Variants in PLEKHM1 observed in about 807,000 individuals in gnomAD.
PLEKHM1 encodes the protein pleckstrin homology domain-containing family M member 1.
In PLEKHM1, 28 loss-of-function variants were observed where a neutral mutation model predicts 94.3. That is an observed-to-expected ratio of 0.30 (90% confidence interval 0.22 to 0.41). PLEKHM1 has a LOEUF of 0.41. Ranked by LOEUF, PLEKHM1 falls within the 10% of genes least tolerant of loss-of-function variation. The pLI, the probability that PLEKHM1 is intolerant of heterozygous loss-of-function variation, is 1.00. For missense variants in PLEKHM1, 907 were observed against 1,358.6 expected (o/e 0.67, Z 5.22); for synonymous variants, 424 against 581.2 (o/e 0.73, Z 3.89).
At position 45,445,496 on chromosome 17, in the gene PLEKHM1, A is replaced by C. The variant is rs757440256; in HGVS notation, c.2811T>G (p.Ser937Arg). The change falls in exon 9 of 12, where the codon AGT becomes AGG. Residue 937 changes from serine (S) to arginine (R), a missense_variant. By Grantham distance (110) the Ser-to-Arg change is moderately radical. Transcript: ENST00000430334. The surrounding 1 kb of genome is among the most constrained non-coding windows in gnomAD (Gnocchi z 4.2). Reference protein sequence around the residue: ...LLGDYLGLCRSGALKELSKRL... With the variant: ...LLGDYLGLCRRGALKELSKRL... Reference sequence around the variant, plus strand: ...TCTTGCTGAGCTCCTTCAGGGCGCCACTCCGGCACAGGCCCAGGTAATCCC... The same window carrying C: ...TCTTGCTGAGCTCCTTCAGGGCGCCCCTCCGGCACAGGCCCAGGTAATCCC... 1 of 1,613,784 alleles carries C rather than the reference A, an allele frequency of 6.2e-7. No homozygotes were observed. The highest frequency in any genetic ancestry group is 8.5e-7 in the Non-Finnish European group (1 of 1,179,852).
intron 2 of PLEKHM1, among the ~76,000 whole-genome samples, chr17:45,480,280 C>T (rs528115968): frequency 2.0e-4 from 31 of 152,194 alleles, no homozygotes; most frequent in Non-Finnish European, 3.8e-4. Flanking sequence ...GTCAGGAGTT[C>T]GAGACCAGCC....
At chr17:45,461,699 C>T (rs2051156785) in intron 5 of PLEKHM1, among the ~76,000 whole-genome samples, 1 of 152,140 alleles carries the variant, frequency 6.6e-6, no homozygotes, top group Non-Finnish European at 1.5e-5. Context: ...TCATTGGCCG[C>T]CTCTGTCTCT....
intron 5 of PLEKHM1, among the ~76,000 whole-genome samples, chr17:45,464,643 G>C (rs908386271): frequency 2.6e-5 from 4 of 151,936 alleles, no homozygotes; most frequent in Non-Finnish European, 5.9e-5. Context: ...CACAGGACGG[G>C]GGCAGGATCC....
intron 5 of PLEKHM1, among the ~76,000 whole-genome samples, chr17:45,460,617 C>T (rs1393825770): frequency 2.6e-5 from 4 of 152,244 alleles, no homozygotes; most frequent in African/African-American, 9.6e-5. Context: ...AGTACAGTGG[C>T]GCAATCAGGG....
chr17:45,437,951 G>A lies in PLEKHM1; in HGVS notation c.3078C>T (p.Thr1026=), dbSNP rs768084363. ...CAGCCTGGCAGCTCTGGTGGAAGAC[G>A]GTCTTGCACTCGGCACACCTGGGGA... ...DTTVRCAECK[T]VFHQSCQAVV... Residue 1026 remains threonine, a synonymous_variant, in exon 12 of 12, where the codon ACC becomes ACT. Transcript: ENST00000430334. The surrounding 1 kb of genome is among the most constrained non-coding windows in gnomAD (Gnocchi z 4.0). 14 of 1,613,440 alleles carry A rather than the reference G, an allele frequency of 8.7e-6. No individual in the cohort carries two copies. The highest frequency in any genetic ancestry group is 1.7e-4 in the Middle Eastern group (1 of 6,060).
intron 5 of PLEKHM1, among the ~76,000 whole-genome samples, chr17:45,461,441 T>G (rs62065389): frequency 0.12 from 18,328 of 152,316 alleles, 1,529 homozygotes; most frequent in Middle Eastern, 0.21. Context: ...CTTCTGGTGT[T>G]GCATCTTAAA....
chr17:45,475,083 G>A lies in PLEKHM1; in HGVS notation c.923+17C>T, dbSNP rs374198915. The A allele has an allele frequency of 4.2e-5, 67 of 1,613,644 alleles. No individual in the cohort carries two copies. The African/African-American group carries it at 7.2e-4, about 17-fold the overall frequency. Reference sequence around the variant, plus strand: ...GGGAAGAGAGAAGATGGGAAGGAGTGGGGGCAGCGTACTCACTCTTGCAGA... The same window carrying A: ...GGGAAGAGAGAAGATGGGAAGGAGTAGGGGCAGCGTACTCACTCTTGCAGA... On this transcript the variant is annotated intron_variant, in intron 4 of 11. Transcript: ENST00000430334.
At chr17:45,465,038 C>G (rs1369563844) in intron 5 of PLEKHM1, among the ~76,000 whole-genome samples, 2 of 152,038 alleles carry the variant, frequency 1.3e-5, no homozygotes, top group Non-Finnish European at 2.9e-5. Flanking sequence ...CCATTCCAAA[C>G]AGCCTTATAG....
intron 1 of PLEKHM1, among the ~76,000 whole-genome samples, chr17:45,489,141 T>G (rs1257515138): frequency 6.6e-6 from 1 of 152,124 alleles, no homozygotes. Context: ...GGAACCCAGA[T>G]GGCCAAAAGT....
chr17:45,437,970 C>G lies in PLEKHM1; in HGVS notation c.3060-1G>C. ...GAAGACGGTCTTGCACTCGGCACAC[C>G]TGGGGAGAGAGCAGTAGGCCTGCTG... On this transcript the variant is annotated splice_acceptor_variant, in intron 11 of 11. Coordinates refer to ENST00000430334, the MANE Select transcript of PLEKHM1 (RefSeq NM_014798.3). LOFTEE classifies it high-confidence loss of function. This position sits in a 1 kb window ranked among gnomAD's most constrained non-coding sequence, Gnocchi z 4.0. 1 of 1,611,888 alleles carries G rather than the reference C, an allele frequency of 6.2e-7. No homozygotes were observed.
intron 2 of PLEKHM1, among the ~76,000 whole-genome samples, chr17:45,478,857 A>G (rs1446597664): frequency 1.3e-5 from 2 of 152,012 alleles, no homozygotes; most frequent in East Asian, 3.8e-4. Flanking sequence ...TAGGCCTGGA[A>G]GCCAGAGGAC....
intron 6 of PLEKHM1, chr17:45,456,520 G>A (rs1204540466): frequency 6.6e-6 from 1 of 152,262 alleles, no homozygotes; most frequent in East Asian, 1.9e-4. Context: ...ACTATTCTAT[G>A]GGGGTTCCCT....
chr17:45,465,159 G>A (rs1294242302), intron 5 of PLEKHM1, among the ~76,000 whole-genome samples: 1 of 151,880 alleles, frequency 6.6e-6, no homozygotes, highest in Non-Finnish European at 1.5e-5. Flanking sequence ...GCTTGGTGCT[G>A]ACAATACAGA....
In PLEKHM1 at chr17:45,486,583, A is replaced by T. The variant is rs569229484; in HGVS notation, c.-41-4058T>A. On this transcript the variant is annotated intron_variant, in intron 1 of 11. Transcript: ENST00000430334. ...AGCGAGACTCCATCTCAAAAAAAAA[A>T]ATTAATAATAATAAACTGAAGCTAA... Among the ~76,000 whole-genome samples, 712 of 152,138 alleles carry T rather than the reference A, an allele frequency of 4.7e-3. 2 individuals are homozygous for T. The highest frequency in any genetic ancestry group is 0.019 in the East Asian group (99 of 5,174).
At chr17:45,461,784 G>T (rs564120891) in intron 5 of PLEKHM1, among the ~76,000 whole-genome samples, 1 of 152,174 alleles carries the variant, frequency 6.6e-6, no homozygotes, top group African/African-American at 2.4e-5. Context: ...GTTCTCTTTT[G>T]AATCTGAAGC....
In PLEKHM1 at chr17:45,468,578, G is replaced by A. The variant is rs781302342; in HGVS notation, c.939C>T (p.Phe313=). 1 of 1,614,206 alleles carries A rather than the reference G, an allele frequency of 6.2e-7. No individual in the cohort carries two copies. Among genetic ancestry groups the A allele is most frequent in the South Asian group, 1.1e-5 (1 of 91,076 alleles). ...DRSLQEVLLE[F]SKAQVNSVPT... is the part of the protein sequence containing the mutation. ...GCACAGAGTTTACCTGGGCTTTGCT[G>A]AATTCCAACAATACCCTAGAAGTTT... The change falls in exon 5 of 12, where the codon TTC becomes TTT. Residue 313 remains phenylalanine (F), a synonymous_variant. Coordinates refer to ENST00000430334, the MANE Select transcript of PLEKHM1 (RefSeq NM_014798.3).
chr17:45,490,204 T>G (rs1414620977), intron 1 of PLEKHM1, among the ~76,000 whole-genome samples: 1 of 147,034 alleles, frequency 6.8e-6, no homozygotes, highest in African/African-American at 2.5e-5. Flanking sequence ...GTGACTGGGA[T>G]AAGAAAGCTG....
chr17:45,446,053 T>C (rs1414522860), intron 8 of PLEKHM1: 1 of 328,510 alleles, frequency 3.0e-6, no homozygotes, highest in Admixed American at 4.6e-5. Flanking sequence ...CTCCCTTCTG[T>C]GCCCTGACTC....
intron 9 of PLEKHM1, among the ~76,000 whole-genome samples, chr17:45,441,519 T>C (rs1246386428): frequency 6.6e-6 from 1 of 152,192 alleles, no homozygotes; most frequent in Non-Finnish European, 1.5e-5. Context: ...GGACACAGGT[T>C]GGCCTTCAGC....
Sources: allele counts gnomAD v4.1 joint callset (sites outside exome capture counted in the v4.1 genomes callset), GRCh38; gene constraint gnomAD v4.1.1; non-coding constraint Gnocchi (gnomAD v3.1); transcripts MANE v1.5; gene names NCBI Gene and HGNC (gene_info 2026-07-23, HGNC 2026-07-21).